WIPF3: variants seen among roughly 807,000 people sequenced by gnomAD.
WIPF3 encodes the protein WAS/WASL interacting protein family member 3.
In WIPF3, 33 loss-of-function variants were observed where a neutral mutation model predicts 38.9. The ratio of observed to expected loss-of-function variants is 0.85; its 90% CI spans 0.64 to 1.14. The LOEUF (loss-of-function observed/expected upper bound fraction) is 1.14. WIPF3 is among the 50% of genes most tolerant of loss of function. The pLI, the probability that WIPF3 is intolerant of heterozygous loss-of-function variation, is 0.00. For synonymous variants in WIPF3, 324 were observed against 269.3 expected (o/e 1.20, Z -1.99); for missense variants, 711 against 652.5 (o/e 1.09, Z -0.98).
intron 1 of WIPF3, among the ~76,000 whole-genome samples, 192 bp downstream of exon 1, chr7:29,806,870 G>A (rs60368634): frequency 6.6e-6 from 1 of 151,264 alleles, no homozygotes; most frequent in Non-Finnish European, 1.5e-5. Context: ...CGTGCCGCGC[G>A]GCGCTCACGC....
intron 8 of WIPF3, among the ~76,000 whole-genome samples, chr7:29,912,914 A>T (rs1786530711): frequency 6.6e-6 from 1 of 152,240 alleles, no homozygotes; most frequent in Non-Finnish European, 1.5e-5. Flanking sequence ...TTAGAGGGAA[A>T]AAGAAAATTG....
chr7:29,875,029 AGAT>A (rs1237944476), intron 2 of WIPF3, among the ~76,000 whole-genome samples: 1 of 152,168 alleles, frequency 6.6e-6, no homozygotes, highest in Non-Finnish European at 1.5e-5. Flanking sequence ...CTCATCTGTA[AGAT>A]GAGGGCAAAC....
chr7:29,830,652 G>A (rs967959460), intron 1 of WIPF3, among the ~76,000 whole-genome samples: 4 of 151,606 alleles, frequency 2.6e-5, no homozygotes, highest in Non-Finnish European at 5.9e-5. Context: ...AAAGAAATGA[G>A]GTTTTAGATA....
At chr7:29,838,680 T>G (rs1166891332) in intron 2 of WIPF3, among the ~76,000 whole-genome samples, 1 of 152,124 alleles carries the variant, frequency 6.6e-6, no homozygotes, top group East Asian at 1.9e-4. Context: ...GGAAAACCGT[T>G]TGACAGCACC....
chr7:29,914,616 G>T lies in WIPF3; in HGVS notation c.*100G>T, dbSNP rs1022951712. ...AAGCTGTAATTCAGTTGGCATACAGGCTTGGAATTGAGAATTTATTTATTG... is the reference window on the plus strand; with the variant it reads ...AAGCTGTAATTCAGTTGGCATACAGTCTTGGAATTGAGAATTTATTTATTG... On this transcript the variant is annotated 3_prime_UTR_variant, in exon 9 of 9. Coordinates refer to ENST00000242140, the MANE Select transcript of WIPF3 (RefSeq NM_001080529.3). 1.4e-5 allele frequency: 11 copies of T among 782,714 alleles called. No individual in the cohort carries two copies. Among genetic ancestry groups the T allele is most frequent in the Admixed American group, 1.2e-4 (3 of 25,096 alleles). The allele number at this position is 782,714 out of a possible 1,614,324, so 48.5% of individuals were successfully genotyped here.
chr7:29,914,424 G>A, intron 8 of WIPF3, 69 bp from the exon 9 acceptor site: 2 of 1,291,272 alleles, frequency 1.5e-6, no homozygotes, highest in Non-Finnish European at 1.0e-6. Flanking sequence ...TGGGGGGGTG[G>A]AGGAGGAAGG....
At chr7:29,885,025 C>T (rs1785843696) in intron 5 of WIPF3, among the ~76,000 whole-genome samples, 1 of 152,184 alleles carries the variant, frequency 6.6e-6, no homozygotes, top group Non-Finnish European at 1.5e-5. Flanking sequence ...GGCTTGTTTC[C>T]AGAACCAGGC....
intron 1 of WIPF3, among the ~76,000 whole-genome samples, chr7:29,821,165 C>T (rs186013759): frequency 1.7e-3 from 264 of 152,344 alleles, no homozygotes; most frequent in East Asian, 0.017. Context: ...ACTACAATGA[C>T]AGTTTGGCTG....
rs190366659 is a variant in WIPF3, at chr7:29,841,870, A to G, written c.90+7056A>G. Reference sequence around the variant, plus strand: ...GCCCACATGGTGTGTTGGTCCACTTAAAATTAAATTATTACTGTTGCTTTA... The same window carrying G: ...GCCCACATGGTGTGTTGGTCCACTTGAAATTAAATTATTACTGTTGCTTTA... On this transcript the variant is annotated intron_variant, in intron 2 of 8. Coordinates refer to ENST00000242140, the MANE Select transcript of WIPF3 (RefSeq NM_001080529.3). 2.5e-3 allele frequency among the ~76,000 whole-genome samples: 377 copies of G among 152,356 alleles called. 1 individual carries two copies. Among genetic ancestry groups the G allele is most frequent in the Non-Finnish European group, 4.1e-3 (277 of 68,034 alleles).
intron 2 of WIPF3, among the ~76,000 whole-genome samples, chr7:29,843,464 G>A (rs1357514069): frequency 2.0e-5 from 3 of 152,158 alleles, no homozygotes; most frequent in African/African-American, 7.2e-5. Context: ...GCTCGCAGGC[G>A]GTGTCTGAGC....
At chr7:29,881,193 TCTC>T (rs1433541769) in intron 4 of WIPF3, among the ~76,000 whole-genome samples, 1 of 152,178 alleles carries the variant, frequency 6.6e-6, no homozygotes, top group African/African-American at 2.4e-5. Flanking sequence ...TCATTCCATA[TCTC>T]CTTTTCCTCA....
chr7:29,886,898 G>A (rs1182077255), intron 5 of WIPF3, among the ~76,000 whole-genome samples: 1 of 152,202 alleles, frequency 6.6e-6, no homozygotes, highest in Non-Finnish European at 1.5e-5. Flanking sequence ...TTACCACACA[G>A]TGGGGCAGCT....
In WIPF3 at chr7:29,809,031, A is replaced by C. The variant is rs1405517215; in HGVS notation, c.-58+2353A>C. ...AAGAAACCTACACAAATAACTCAGC[A>C]AAAGGAAGGAAATGTGTTTTCTAGC... is the stretch of plus-strand genomic sequence containing the variant. On this transcript the variant is annotated intron_variant, in intron 1 of 8. Transcript: ENST00000242140. Among the ~76,000 whole-genome samples the C allele has an allele frequency of 3.3e-5, 5 of 152,200 alleles. No homozygotes were observed. The East Asian group carries it at 9.6e-4, about 29-fold the overall frequency.
Position 29,914,540 on chromosome 7 carries a change from TG to T in WIPF3, c.*28del. On this transcript the variant is annotated 3_prime_UTR_variant, in exon 9 of 9. Coordinates refer to ENST00000242140, the MANE Select transcript of WIPF3 (RefSeq NM_001080529.3). ...GAGAAGACAGATGAAGCGAAGGTCC[TG>T]GGGTTCCAGGTTGCAGAACAACATG... is the stretch of plus-strand genomic sequence containing the variant. 1.3e-6 allele frequency: 2 copies of T among 1,504,684 alleles called. No homozygotes were observed. The highest frequency in any genetic ancestry group is 1.8e-6 in the Non-Finnish European group (2 of 1,123,942). 93.2% of individuals were successfully genotyped at this position (1,504,684 alleles called of 1,614,324 possible).
intron 2 of WIPF3, among the ~76,000 whole-genome samples, chr7:29,851,312 G>A (rs569386792): frequency 1.3e-5 from 2 of 152,192 alleles, no homozygotes; most frequent in East Asian, 3.9e-4. Context: ...GTTCTCCTTG[G>A]CTCGGCCACA....
chr7:29,825,424 T>G (rs968751508), intron 1 of WIPF3, among the ~76,000 whole-genome samples: 1 of 152,246 alleles, frequency 6.6e-6, no homozygotes, highest in Non-Finnish European at 1.5e-5. Context: ...GATACCCTAT[T>G]TTAGAAGTAT....
At chr7:29,807,148 G>A (rs1249352792) in intron 1 of WIPF3, among the ~76,000 whole-genome samples, 1 of 152,092 alleles carries the variant, frequency 6.6e-6, no homozygotes, top group Non-Finnish European at 1.5e-5. Flanking sequence ...GTAAAAGAGA[G>A]CTAGGAAATT....
At chr7:29,906,739 T>A (rs1246678132) in intron 8 of WIPF3, among the ~76,000 whole-genome samples, 1 of 152,130 alleles carries the variant, frequency 6.6e-6, no homozygotes. Context: ...ATAATCAAAT[T>A]TTCAAAAGGC....
intron 7 of WIPF3, among the ~76,000 whole-genome samples, chr7:29,899,683 T>C (rs2128079595): frequency 6.6e-6 from 1 of 152,378 alleles, no homozygotes; most frequent in South Asian, 2.1e-4. Flanking sequence ...TGGAACGCTA[T>C]GTAACCATTA....
Sources: allele counts gnomAD v4.1 joint callset (sites outside exome capture counted in the v4.1 genomes callset), GRCh38; gene constraint gnomAD v4.1.1; transcripts MANE v1.5; gene names NCBI Gene and HGNC (gene_info 2026-07-23, HGNC 2026-07-21).